The following IPMK variants were observed in gnomAD, a reference collection of about 807,000 sequenced individuals.
IPMK encodes inositol polyphosphate multikinase.
A neutral mutation model predicts 45.8 loss-of-function variants in IPMK; 17 were observed. That is an observed-to-expected ratio of 0.37 (90% CI 0.25 to 0.56). The LOEUF (loss-of-function observed/expected upper bound fraction) is 0.56. IPMK is among the 20% of genes least tolerant of loss of function. The pLI is 0.79. For synonymous variants in IPMK, 180 were observed against 184.3 expected, an observed-to-expected ratio of 0.98 and a Z score of 0.19; for missense variants, 399 against 498.0, an observed-to-expected ratio of 0.80 and a Z score of 1.89.
At chr10:58,211,919 A>AAAAAAT (rs1554823051) in intron 4 of IPMK, among the ~76,000 whole-genome samples, 2 of 148,188 alleles carry the variant, frequency 1.3e-5, no homozygotes, top group African/African-American at 5.2e-5. Context: ...AAAAAAAAAA[A>AAAAAAT]AAAAAATTTG....
chr10:58,238,741 C>T (rs1304509313), intron 1 of IPMK, among the ~76,000 whole-genome samples: 1 of 152,012 alleles, frequency 6.6e-6, no homozygotes, highest in Non-Finnish European at 1.5e-5. Context: ...AATCATTGTG[C>T]TTATGAACTA....
At chr10:58,203,637 G>A (rs1267672445) in intron 4 of IPMK, among the ~76,000 whole-genome samples, 2 of 152,038 alleles carry the variant, frequency 1.3e-5, no homozygotes, top group Non-Finnish European at 2.9e-5. Flanking sequence ...TCTCATGGAT[G>A]AGCAAAGAAA....
chr10:58,198,180 C>T (rs1477729490), intron 5 of IPMK, among the ~76,000 whole-genome samples: 1 of 152,206 alleles, frequency 6.6e-6, no homozygotes, highest in Non-Finnish European at 1.5e-5. Context: ...TACTAATTTT[C>T]ATTTGCTCTC....
chr10:58,243,552 T>C (rs1838731516), intron 1 of IPMK, among the ~76,000 whole-genome samples: 1 of 152,202 alleles, frequency 6.6e-6, no homozygotes, highest in Non-Finnish European at 1.5e-5. Context: ...ATATTTTTGG[T>C]GAAAACGAGG....
chr10:58,195,684 T>A lies in IPMK; in HGVS notation c.*392A>T, dbSNP rs1436172253. The A allele has an allele frequency of 5.9e-6, 1 of 168,216 alleles. No homozygotes were observed. The highest frequency in any genetic ancestry group is 1.7e-4 in the East Asian group (1 of 5,830). The allele number at this position is 168,216 out of a possible 1,614,324, so 10.4% of individuals were successfully genotyped here. ...CCTGTGCTTTCGAGATTTTGGTAGG[T>A]GTTCTAATAATGTAATATTTTAGAT... On this transcript the variant is annotated 3_prime_UTR_variant, in exon 6 of 6. Transcript: ENST00000373935.
At chr10:58,247,238 T>A (rs1838815205) in intron 1 of IPMK, among the ~76,000 whole-genome samples, 1 of 149,252 alleles carries the variant, frequency 6.7e-6, no homozygotes, top group Admixed American at 6.6e-5. Flanking sequence ...ATTGTGGAAG[T>A]CAGTGTGGCG....
intron 1 of IPMK, among the ~76,000 whole-genome samples, chr10:58,246,638 T>G (rs1390084805): frequency 1.4e-5 from 2 of 142,342 alleles, no homozygotes; most frequent in Non-Finnish European, 3.0e-5. Context: ...CTTTACACCT[T>G]ATACAAAAAT....
At chr10:58,200,837 T>C (rs1045595787) in intron 4 of IPMK, among the ~76,000 whole-genome samples, 1 of 152,184 alleles carries the variant, frequency 6.6e-6, no homozygotes, top group African/African-American at 2.4e-5. Flanking sequence ...TTGGTTCTTT[T>C]TGGTAGATAA....
intron 4 of IPMK, among the ~76,000 whole-genome samples, chr10:58,207,189 G>T (rs112330951): frequency 0.011 from 1,641 of 152,312 alleles, 12 homozygotes; most frequent in Middle Eastern, 0.044. Flanking sequence ...ATTTTTAGTA[G>T]AGATGGGGTT....
intron 2 of IPMK, among the ~76,000 whole-genome samples, chr10:58,233,343 C>T (rs1838555971): frequency 6.6e-6 from 1 of 152,142 alleles, no homozygotes; most frequent in Admixed American, 6.5e-5. Context: ...CATCCTGATA[C>T]CAAAGCCTGG....
intron 1 of IPMK, among the ~76,000 whole-genome samples, chr10:58,248,467 T>C (rs574974596): frequency 6.6e-6 from 1 of 152,356 alleles, no homozygotes; most frequent in Admixed American, 6.5e-5. Flanking sequence ...CATATATTTA[T>C]TTTGATATGT....
In IPMK at chr10:58,195,972, T is replaced by C. The variant is rs1564525987; in HGVS notation, c.*104A>G. 9.4e-7 allele frequency: 1 copy of C among 1,065,808 alleles called. No individual in the cohort carries two copies. The highest frequency in any genetic ancestry group is 1.4e-6 in the Non-Finnish European group (1 of 731,830). The allele number at this position is 1,065,808 out of a possible 1,614,324, so 66.0% of individuals were successfully genotyped here. ...CAAAAGTATAAAGACAAATAAAATG[T>C]CGACTCATAATACAAATTTTTTACA... On this transcript the variant is annotated 3_prime_UTR_variant, in exon 6 of 6. Transcript: ENST00000373935.
chr10:58,234,553 C>T lies in IPMK; in HGVS notation c.276+3176G>A, dbSNP rs192892075. 9.2e-5 allele frequency among the ~76,000 whole-genome samples: 14 copies of T among 152,276 alleles called. No homozygotes were observed. In the East Asian group the frequency reaches 2.7e-3, roughly 29 times the overall value. ...GATCTTTTGACAAACCTGACAAAAA[C>T]AAGCAATGGGGAAAGGATTCCCTAT... is the stretch of plus-strand genomic sequence containing the variant. On this transcript the variant is annotated intron_variant, in intron 2 of 5. Coordinates refer to ENST00000373935, the MANE Select transcript of IPMK (RefSeq NM_152230.5).
chr10:58,256,123 A>T (rs1838963940), intron 1 of IPMK, among the ~76,000 whole-genome samples: 2 of 152,210 alleles, frequency 1.3e-5, no homozygotes, highest in South Asian at 2.1e-4. Flanking sequence ...GAACAGGGTA[A>T]CAGCAATTTT....
chr10:58,238,837 G>GTTTTTTTTTTT (rs143503851), intron 1 of IPMK, among the ~76,000 whole-genome samples: 1 of 148,902 alleles, frequency 6.7e-6, no homozygotes. Context: ...CAGAAATCAA[G>GTTTTTTTTTTT]TTTGTTTTTT....
At chr10:58,249,989 T>G (rs1165618676) in intron 1 of IPMK, among the ~76,000 whole-genome samples, 1 of 152,230 alleles carries the variant, frequency 6.6e-6, no homozygotes, top group Non-Finnish European at 1.5e-5. Flanking sequence ...AAAAATCAGT[T>G]GGCTGGAAAC....
chr10:58,235,670 G>A (rs992707538), intron 2 of IPMK, among the ~76,000 whole-genome samples: 9 of 152,284 alleles, frequency 5.9e-5, no homozygotes, highest in Middle Eastern at 6.8e-3. Flanking sequence ...CAGGGGCTGC[G>A]GGGCTGGGGA....
At chr10:58,242,889 G>A (rs1838717752) in intron 1 of IPMK, among the ~76,000 whole-genome samples, 1 of 152,104 alleles carries the variant, frequency 6.6e-6, no homozygotes, top group Non-Finnish European at 1.5e-5. Context: ...TCATGATGGT[G>A]AGTTCTCATA....
intron 4 of IPMK, among the ~76,000 whole-genome samples, chr10:58,214,598 A>T (rs1838216751): frequency 6.6e-6 from 1 of 152,220 alleles, no homozygotes; most frequent in Non-Finnish European, 1.5e-5. Context: ...TTTTATACAT[A>T]ACCCAAATAT....
Sources: gnomAD v4.1 joint callset for allele counts (sites outside exome capture counted in the v4.1 genomes callset) on GRCh38, gnomAD v4.1.1 for gene constraint, MANE v1.5 for transcripts, NCBI Gene and HGNC (gene_info 2026-07-23, HGNC 2026-07-21) for gene names.